Variants in MINDY4 observed in about 807,000 individuals in gnomAD.
MINDY4 encodes MINDY lysine 48 deubiquitinase 4.
Under a neutral mutation model 87.0 loss-of-function variants are expected in MINDY4, and 68 were observed. The ratio of observed to expected loss-of-function variants is 0.78; its 90% CI spans 0.64 to 0.96. The LOEUF is 0.96. MINDY4 is among the 40% of genes least tolerant of loss of function. The pLI, the probability that MINDY4 is intolerant of heterozygous loss-of-function variation, is 0.00. For synonymous variants in MINDY4, 379 were observed against 363.2 expected (o/e 1.04, Z -0.50); for missense variants, 919 against 928.2 (o/e 0.99, Z 0.13).
intron 5 of MINDY4, among the ~76,000 whole-genome samples, chr7:30,815,587 C>G (rs1788123973): frequency 6.6e-6 from 1 of 152,206 alleles, no homozygotes; most frequent in African/African-American, 2.4e-5. Flanking sequence ...CAACATTTTG[C>G]TTGGTGAACT....
chr7:30,800,899 A>G (rs999746439), intron 5 of MINDY4, among the ~76,000 whole-genome samples: 13 of 152,238 alleles, frequency 8.5e-5, no homozygotes, highest in Non-Finnish European at 5.9e-5. Flanking sequence ...AGATGGCAGC[A>G]GATCTTCATC....
At chr7:30,853,353 G>C in intron 11 of MINDY4, 41 bp from the exon 12 acceptor site, 1 of 1,566,672 alleles carries the variant, frequency 6.4e-7, no homozygotes, top group African/African-American at 1.3e-5. Flanking sequence ...GGCACTGCGT[G>C]GGGCTTGGGC....
intron 5 of MINDY4, among the ~76,000 whole-genome samples, chr7:30,802,196 T>C (rs1452432048): frequency 6.6e-6 from 1 of 151,780 alleles, no homozygotes; most frequent in Non-Finnish European, 1.5e-5. Flanking sequence ...CAGAATCCCA[T>C]ATAAAGGCCC....
chr7:30,865,418 C>T (rs1310931938), intron 13 of MINDY4, among the ~76,000 whole-genome samples: 4 of 152,238 alleles, frequency 2.6e-5, no homozygotes, highest in African/African-American at 9.6e-5. Context: ...GAAGGTGGAC[C>T]CACGGGGGCA....
At chr7:30,846,486 C>A (rs1789222183) in intron 9 of MINDY4, among the ~76,000 whole-genome samples, 1 of 152,214 alleles carries the variant, frequency 6.6e-6, no homozygotes, top group Non-Finnish European at 1.5e-5. Flanking sequence ...GGTTTAAGAG[C>A]CTGGCCAGGT....
At position 30,785,643 on chromosome 7, in the gene MINDY4, T is replaced by A. The variant is rs1046897354; in HGVS notation, c.420-106T>A. ...TGGCTGGTTAGAAGTCATCATAGAT[T>A]TATTAATGGGCTTGCTTTGAATGCA... is the stretch of plus-strand genomic sequence containing the variant. On this transcript the variant is annotated intron_variant, in intron 3 of 17. Transcript: ENST00000265299. The A allele has an allele frequency of 1.4e-5, 19 of 1,352,432 alleles. No individual in the cohort carries two copies. The African/African-American group carries it at 2.7e-4, about 20-fold the overall frequency. The allele number at this position is 1,352,432 out of a possible 1,614,324, so 83.8% of individuals were successfully genotyped here. A position where few individuals can be genotyped will look rare whatever the true frequency, so the allele number is the denominator to read the frequency against.
chr7:30,876,736 G>A (rs928053804), intron 15 of MINDY4, among the ~76,000 whole-genome samples: 3 of 152,120 alleles, frequency 2.0e-5, no homozygotes, highest in African/African-American at 4.8e-5. Context: ...GTTGTCCTGA[G>A]GGGCAGCAGG....
intron 5 of MINDY4, among the ~76,000 whole-genome samples, chr7:30,797,361 G>A (rs1275666716): frequency 2.0e-5 from 3 of 152,216 alleles, no homozygotes; most frequent in African/African-American, 7.2e-5. Flanking sequence ...ATAAATCATG[G>A]AAGAGTGACA....
chr7:30,791,035 G>C, intron 4 of MINDY4, 130 bp from the exon 5 acceptor site: 1 of 942,294 alleles, frequency 1.1e-6, no homozygotes, highest in Non-Finnish European at 1.6e-6. Context: ...GATTTTAAGG[G>C]AAAGAGTCCG....
Position 30,840,755 on chromosome 7 carries a change from T to C in MINDY4, c.1357-5T>C, listed in dbSNP as rs1445546122. ...CACTGGCAGCAATGGTCTCATTCTT[T>C]GCAGGGTGGTCCTTGCGGAGTCCTG... is the stretch of plus-strand genomic sequence containing the variant. On this transcript the variant is annotated splice_polypyrimidine_tract_variant and splice_region_variant and intron_variant, in intron 8 of 17. Transcript: ENST00000265299. 1 of 1,613,650 alleles carries C rather than the reference T, an allele frequency of 6.2e-7. No homozygotes were observed. The highest frequency in any genetic ancestry group is 8.5e-7 in the Non-Finnish European group (1 of 1,179,832).
At chr7:30,834,197 C>T (rs958601303) in intron 6 of MINDY4, among the ~76,000 whole-genome samples, 3 of 152,242 alleles carry the variant, frequency 2.0e-5, no homozygotes, top group South Asian at 2.1e-4. Flanking sequence ...ATGAGGGCCC[C>T]GCCCCTGTAG....
chr7:30,777,992 C>T (rs1786879446), intron 1 of MINDY4, among the ~76,000 whole-genome samples: 1 of 152,180 alleles, frequency 6.6e-6, no homozygotes, highest in African/African-American at 2.4e-5. Flanking sequence ...GAGTCATGGA[C>T]TCACAGTTTG....
chr7:30,850,856 A>G lies in MINDY4; in HGVS notation c.1547+301A>G, dbSNP rs370417052. 3.0e-4 allele frequency among the ~76,000 whole-genome samples: 46 copies of G among 151,834 alleles called. No homozygotes were observed. In the East Asian group the frequency reaches 4.1e-3, roughly 13 times the overall value. ...GGTGACCCCTCAGAGGAAGCCTCTG[A>G]CCCCTGCAGCCAGCTCCTCTCTATA... On this transcript the variant is annotated intron_variant, in intron 10 of 17. Transcript: ENST00000265299.
At chr7:30,791,069 A>C in intron 4 of MINDY4, 96 bp from the exon 5 acceptor site, 4 of 1,184,114 alleles carry the variant, frequency 3.4e-6, no homozygotes, top group Non-Finnish European at 4.8e-6. Context: ...CATTCCTGGG[A>C]GAGACATCAC....
In MINDY4 at chr7:30,840,828, T is replaced by C. The variant is rs749254846; in HGVS notation, c.1425T>C (p.Asp475=). The change falls in exon 9 of 18, where the codon GAT becomes GAC. Residue 475 remains aspartate, a synonymous_variant. Coordinates refer to ENST00000265299, the MANE Select transcript of MINDY4 (RefSeq NM_032222.3). The part of the protein sequence containing the change: ...CVLQKLLFEG[D]SKADCAQGLQ... ...TACAGAAACTCCTGTTTGAAGGAGA[T>C]AGCAAAGCCGACTGTGCTCAGTAAG... 98 of 1,614,024 alleles carry C rather than the reference T, an allele frequency of 6.1e-5. No homozygotes were observed. In the Middle Eastern group the frequency reaches 6.6e-4, roughly 11 times the overall value.
chr7:30,849,019 C>T (rs1395922062), intron 9 of MINDY4, among the ~76,000 whole-genome samples: 1 of 152,144 alleles, frequency 6.6e-6, no homozygotes, highest in Non-Finnish European at 1.5e-5. Context: ...GTGGTCATTG[C>T]CAGTTTATGG....
chr7:30,880,819 C>T (rs181562969), intron 15 of MINDY4, among the ~76,000 whole-genome samples: 44 of 152,218 alleles, frequency 2.9e-4, no homozygotes, highest in African/African-American at 9.2e-4. Context: ...ACACTTGAAC[C>T]GTAAGAAAGG....
chr7:30,809,306 A>G (rs747352502), intron 5 of MINDY4, among the ~76,000 whole-genome samples: 6 of 152,112 alleles, frequency 3.9e-5, no homozygotes, highest in Middle Eastern at 3.4e-3. Context: ...CTAACAGAAA[A>G]AATTTAAAAA....
intron 5 of MINDY4, among the ~76,000 whole-genome samples, chr7:30,813,693 G>A (rs1697797815): frequency 6.6e-6 from 1 of 152,216 alleles, no homozygotes; most frequent in Non-Finnish European, 1.5e-5. Context: ...TTAGCCCAGG[G>A]TGTACTTGTC....
Sources: allele counts gnomAD v4.1 joint callset (sites outside exome capture counted in the v4.1 genomes callset), GRCh38; gene constraint gnomAD v4.1.1; transcripts MANE v1.5; gene names NCBI Gene and HGNC (gene_info 2026-07-23, HGNC 2026-07-21).